Variants in ARHGAP15 observed in about 807,000 individuals in gnomAD.
ARHGAP15 encodes the protein Rho GTPase activating protein 15, also known as rho GTPase-activating protein 15.
Under a neutral mutation model 63.7 loss-of-function variants are expected in ARHGAP15, and 51 were observed. That is an observed-to-expected ratio of 0.80 (90% CI 0.64 to 1.01). The LOEUF (loss-of-function observed/expected upper bound fraction) is 1.01. ARHGAP15 is among the 50% of genes least tolerant of loss of function. The pLI, the probability that ARHGAP15 is intolerant of heterozygous loss-of-function variation, is 0.00. For synonymous variants in ARHGAP15, 191 were observed against 193.8 expected (o/e 0.99, Z 0.12); for missense variants, 560 against 564.6 (o/e 0.99, Z 0.08).
chr2:143,495,484 T>C (rs921739321), intron 9 of ARHGAP15, among the ~76,000 whole-genome samples: 1 of 152,230 alleles, frequency 6.6e-6, no homozygotes, highest in African/African-American at 2.4e-5. Context: ...CTCACTTATA[T>C]AGTGTCATGC....
At chr2:143,185,201 T>C (rs955354270) in intron 2 of ARHGAP15, among the ~76,000 whole-genome samples, 2 of 152,214 alleles carry the variant, frequency 1.3e-5, no homozygotes, top group Non-Finnish European at 2.9e-5. Flanking sequence ...ATGCCTGCTA[T>C]GTACCAAGTG....
At chr2:143,432,430 A>G (rs1276509304) in intron 6 of ARHGAP15, among the ~76,000 whole-genome samples, 5 of 152,230 alleles carry the variant, frequency 3.3e-5, no homozygotes, top group African/African-American at 1.2e-4. Context: ...TTAAATTAGC[A>G]TAGTAAAGCT....
chr2:143,328,716 C>T (rs777323923), intron 6 of ARHGAP15, among the ~76,000 whole-genome samples: 3 of 152,028 alleles, frequency 2.0e-5, no homozygotes, highest in Non-Finnish European at 4.4e-5. Context: ...ACGTGTATCC[C>T]AGAACTTAAA....
At chr2:143,181,439 T>C (rs1184231460) in intron 2 of ARHGAP15, among the ~76,000 whole-genome samples, 1 of 152,214 alleles carries the variant, frequency 6.6e-6, no homozygotes, top group East Asian at 1.9e-4. Context: ...CATATAAAGG[T>C]ATTTCATCTA....
intron 2 of ARHGAP15, among the ~76,000 whole-genome samples, chr2:143,157,432 G>A (rs1003117445): frequency 6.6e-6 from 1 of 151,732 alleles, no homozygotes; most frequent in Admixed American, 6.6e-5. Context: ...CATAACTTTA[G>A]TTTGGGGGGT....
chr2:143,415,356 A>T (rs1296339714), intron 6 of ARHGAP15, among the ~76,000 whole-genome samples: 1 of 152,218 alleles, frequency 6.6e-6, no homozygotes. Flanking sequence ...AGATACTACA[A>T]AGAACATAAA....
chr2:143,588,735 G>C (rs1697205954), intron 11 of ARHGAP15, among the ~76,000 whole-genome samples: 1 of 152,092 alleles, frequency 6.6e-6, no homozygotes, highest in Non-Finnish European at 1.5e-5. Flanking sequence ...TACACTCTGG[G>C]CATGCCCACC....
At chr2:143,239,047 G>T (rs111810807) in intron 5 of ARHGAP15, among the ~76,000 whole-genome samples, 7,346 of 152,104 alleles carry the variant, frequency 0.048, 552 homozygotes, top group African/African-American at 0.17. Flanking sequence ...GTGGGGAGAG[G>T]GACAGCATCA....
chr2:143,718,902 C>T (rs1002134521), intron 13 of ARHGAP15, among the ~76,000 whole-genome samples: 3 of 152,228 alleles, frequency 2.0e-5, no homozygotes, highest in Non-Finnish European at 2.9e-5. Flanking sequence ...CTTCCCATGT[C>T]TGGGAGTGTT....
chr2:143,702,390 C>T (rs73961842), intron 12 of ARHGAP15, among the ~76,000 whole-genome samples: 1 of 151,974 alleles, frequency 6.6e-6, no homozygotes, highest in African/African-American at 2.4e-5. Context: ...ATGTTTATGA[C>T]CAGGAAATAT....
rs552453500 is a variant in ARHGAP15 at position 143,504,895 on chromosome 2, C to G, written c.827-14371C>G. Reference sequence around the variant, plus strand: ...CAGAATGTGCTCCATCCCTCTGGATCCCACTGAATTTCTAGTCCACTTTGT... The same window carrying G: ...CAGAATGTGCTCCATCCCTCTGGATGCCACTGAATTTCTAGTCCACTTTGT... On this transcript the variant is annotated intron_variant, in intron 9 of 13. Coordinates refer to ENST00000295095, the MANE Select transcript of ARHGAP15 (RefSeq NM_018460.4). Among the ~76,000 whole-genome samples the G allele has an allele frequency of 3.9e-5, 6 of 152,294 alleles. No homozygotes were observed. In the South Asian group the frequency reaches 8.3e-4, roughly 21 times the overall value.
rs1574445345 is a variant in ARHGAP15, at chr2:143,435,425, T to C, written c.475-176T>C. ...GTATTTGTTATGACGTGAAAAACAG[T>C]TTATAGAGAGCGGTTCAAAATGCTC... On this transcript the variant is annotated intron_variant, in intron 6 of 13. Coordinates refer to ENST00000295095, the MANE Select transcript of ARHGAP15 (RefSeq NM_018460.4). 1.3e-5 allele frequency: 16 copies of C among 1,227,112 alleles called. No individual in the cohort carries two copies. The South Asian group carries it at 2.8e-4, about 22-fold the overall frequency. 76.0% of individuals were successfully genotyped at this position (1,227,112 alleles called of 1,614,324 possible).
intron 6 of ARHGAP15, among the ~76,000 whole-genome samples, chr2:143,390,850 C>A (rs534444301): frequency 1.3e-5 from 2 of 152,150 alleles, no homozygotes; most frequent in Non-Finnish European, 2.9e-5. Flanking sequence ...TTTGCCTCCG[C>A]TTTTTACAGC....
chr2:143,467,071 A>C (rs1426069924), intron 8 of ARHGAP15, among the ~76,000 whole-genome samples: 1 of 152,084 alleles, frequency 6.6e-6, no homozygotes, highest in African/African-American at 2.4e-5. Context: ...TTAGTGATAC[A>C]TGGCTCAACA....
chr2:143,157,623 A>G (rs965796137), intron 2 of ARHGAP15, among the ~76,000 whole-genome samples: 1 of 151,590 alleles, frequency 6.6e-6, no homozygotes, highest in Non-Finnish European at 1.5e-5. Context: ...TATTTTAGTG[A>G]GGATGTGTCA....
intron 6 of ARHGAP15, among the ~76,000 whole-genome samples, chr2:143,420,517 G>C (rs1363636259): frequency 6.6e-6 from 1 of 152,076 alleles, no homozygotes; most frequent in Non-Finnish European, 1.5e-5. Flanking sequence ...TGGTAATTTT[G>C]GTGCAGGAAG....
chr2:143,749,719 TTA>T (rs1349217444), intron 13 of ARHGAP15, among the ~76,000 whole-genome samples: 6 of 152,198 alleles, frequency 3.9e-5, no homozygotes, highest in South Asian at 2.1e-4. Context: ...CACATTATAT[TTA>T]TATGTTTTAA....
intron 12 of ARHGAP15, among the ~76,000 whole-genome samples, chr2:143,626,645 C>A (rs1032333606): frequency 6.6e-6 from 1 of 152,068 alleles, no homozygotes; most frequent in Non-Finnish European, 1.5e-5. Context: ...ATCAGAATGC[C>A]CTTTTTTCAA....
chr2:143,438,796 T>G (rs971512315), intron 8 of ARHGAP15, among the ~76,000 whole-genome samples: 2 of 152,160 alleles, frequency 1.3e-5, no homozygotes, highest in African/African-American at 4.8e-5. Context: ...GGAGTATATA[T>G]TTAGTGTTAA....
Sources: gnomAD v4.1 joint callset for allele counts (sites outside exome capture counted in the v4.1 genomes callset) on GRCh38, gnomAD v4.1.1 for gene constraint, MANE v1.5 for transcripts, NCBI Gene and HGNC (gene_info 2026-07-23, HGNC 2026-07-21) for gene names.